The following DLG2 variants were observed in gnomAD, a reference collection of about 807,000 sequenced individuals.
DLG2 encodes the protein disks large homolog 2.
DLG2 carries 45 observed loss-of-function variants against 132.5 expected under a neutral mutation model. That is an observed-to-expected ratio of 0.34 (90% CI 0.27 to 0.44). The LOEUF is 0.44. Among genes scored for constraint, DLG2 ranks in the 20% least tolerant of loss-of-function variants. The pLI is 1.00. For synonymous variants in DLG2, 424 were observed against 419.6 expected (o/e 1.01, Z -0.13); for missense variants, 1,045 against 1,196.9 (o/e 0.87, Z 1.87).
At position 85,529,525 on chromosome 11, in the gene DLG2, T is replaced by C. The variant is rs183017658; in HGVS notation, c.40+69132A>G. Reference sequence around the variant, plus strand: ...CATCTGATAGAAAAATGTTCCCTTTTATTTTCCTAAAATAATTTTCATCAT... The same window carrying C: ...CATCTGATAGAAAAATGTTCCCTTTCATTTTCCTAAAATAATTTTCATCAT... On this transcript the variant is annotated intron_variant, in intron 3 of 27. Transcript: ENST00000376104. 4.7e-4 allele frequency among the ~76,000 whole-genome samples: 71 copies of C among 152,284 alleles called. No individual in the cohort carries two copies. In the Middle Eastern group the frequency reaches 0.027, roughly 58 times the overall value.
intron 19 of DLG2, among the ~76,000 whole-genome samples, chr11:83,560,668 C>A (rs78510802): frequency 0.022 from 3,358 of 152,234 alleles, 127 homozygotes; most frequent in African/African-American, 0.076. Context: ...TATATATGTC[C>A]AATTTCTGCA....
intron 6 of DLG2, among the ~76,000 whole-genome samples, chr11:84,584,773 C>G (rs1411737749): frequency 7.3e-6 from 1 of 136,096 alleles, no homozygotes; most frequent in Non-Finnish European, 1.5e-5. Flanking sequence ...ACTGCAAGCT[C>G]TGCCTCCCGG....
intron 7 of DLG2, among the ~76,000 whole-genome samples, chr11:84,300,215 TCTTA>T (rs2098136650): frequency 6.6e-6 from 1 of 152,198 alleles, no homozygotes; most frequent in Admixed American, 6.5e-5. Context: ...CTTCAAGCTC[TCTTA>T]CTGTCAATTT....
At chr11:84,474,717 T>C (rs1031582269) in intron 7 of DLG2, among the ~76,000 whole-genome samples, 1 of 152,012 alleles carries the variant, frequency 6.6e-6, no homozygotes, top group African/African-American at 2.4e-5. Flanking sequence ...CCAGTAGTAG[T>C]AGCACTATTA....
chr11:84,675,737 T>C (rs1386146709), intron 6 of DLG2, among the ~76,000 whole-genome samples: 1 of 152,128 alleles, frequency 6.6e-6, no homozygotes, highest in Non-Finnish European at 1.5e-5. Flanking sequence ...TATGCAATCC[T>C]AGCCCATTGT....
At chr11:85,209,429 G>A (rs1183157235) in intron 4 of DLG2, among the ~76,000 whole-genome samples, 1 of 131,934 alleles carries the variant, frequency 7.6e-6, no homozygotes, top group African/African-American at 2.8e-5. Flanking sequence ...GAACTTATGG[G>A]CACAAAGAAA....
chr11:84,550,788 T>C, intron 6 of DLG2, among the ~76,000 whole-genome samples: 1 of 152,224 alleles, frequency 6.6e-6, no homozygotes, highest in Non-Finnish European at 1.5e-5. Flanking sequence ...TGTTATATGC[T>C]AATCACTAAA....
chr11:85,042,564 G>A (rs2061969500), intron 6 of DLG2, among the ~76,000 whole-genome samples: 2 of 151,922 alleles, frequency 1.3e-5, no homozygotes, highest in Admixed American at 6.6e-5. Context: ...TAACAGAGTG[G>A]AAGTTGACAA....
At chr11:84,443,027 C>G (rs1181900562) in intron 7 of DLG2, among the ~76,000 whole-genome samples, 1 of 152,136 alleles carries the variant, frequency 6.6e-6, no homozygotes, top group East Asian at 1.9e-4. Flanking sequence ...CGAAGAAATA[C>G]CCAGTTATAG....
chr11:83,509,442 C>G (rs994118876), intron 21 of DLG2, among the ~76,000 whole-genome samples: 1 of 152,144 alleles, frequency 6.6e-6, no homozygotes, highest in Non-Finnish European at 1.5e-5. Context: ...ATTTTCCTTC[C>G]TCTATCACAA....
chr11:83,582,731 G>T (rs764120502), intron 19 of DLG2, among the ~76,000 whole-genome samples: 1 of 152,178 alleles, frequency 6.6e-6, no homozygotes, highest in Non-Finnish European at 1.5e-5. Flanking sequence ...TTCAAGGGAA[G>T]ATTAGATAAG....
At position 85,195,764 on chromosome 11, in the gene DLG2, G is replaced by C. The variant is rs547969569; in HGVS notation, c.187-41113C>G. ...GATGGTCTCGATCTTCTGACCTCGTGATCCGCCCGCCTCGGCCTCCCAAAG... is the reference window on the plus strand; with the variant it reads ...GATGGTCTCGATCTTCTGACCTCGTCATCCGCCCGCCTCGGCCTCCCAAAG... On this transcript the variant is annotated intron_variant, in intron 4 of 27. Coordinates refer to ENST00000376104, the MANE Select transcript of DLG2 (RefSeq NM_001142699.3). Among the ~76,000 whole-genome samples the C allele has an allele frequency of 4.0e-3, 601 of 152,040 alleles. 7 individuals are homozygous for C. Among genetic ancestry groups the C allele is most frequent in the African/African-American group, 0.013 (519 of 41,486 alleles).
intron 17 of DLG2, among the ~76,000 whole-genome samples, chr11:83,812,355 C>T (rs1286591297): frequency 6.6e-6 from 1 of 151,736 alleles, no homozygotes; most frequent in Admixed American, 6.6e-5. Flanking sequence ...TATATTTGTC[C>T]ATCTGATATG....
intron 8 of DLG2, among the ~76,000 whole-genome samples, chr11:84,183,849 G>C (rs2096209402): frequency 6.6e-6 from 1 of 152,154 alleles, no homozygotes; most frequent in South Asian, 2.1e-4. Context: ...CCTTGTGATA[G>C]TTTGCTGAGA....
chr11:85,020,694 T>C lies in DLG2; in HGVS notation c.357+90967A>G, dbSNP rs1196119032. The C allele has an allele frequency of 2.0e-5, 10 of 495,496 alleles. No homozygotes were observed. The East Asian group carries it at 3.8e-4, about 19-fold the overall frequency. The allele number at this position is 495,496 out of a possible 1,614,324, so 30.7% of individuals were successfully genotyped here. ...GGGAAAGGATTCCCTATTTAATAAATGGTGCTGGGAAAACTGGCTAGCCAT... is the reference window on the plus strand; with the variant it reads ...GGGAAAGGATTCCCTATTTAATAAACGGTGCTGGGAAAACTGGCTAGCCAT... On this transcript the variant is annotated intron_variant, in intron 6 of 27. Transcript: ENST00000376104.
chr11:85,608,318 T>G (rs944811367), intron 2 of DLG2, among the ~76,000 whole-genome samples: 7 of 152,234 alleles, frequency 4.6e-5, no homozygotes, highest in African/African-American at 1.7e-4. Context: ...TGGCTCATTT[T>G]TTTCTGCACT....
At chr11:84,960,229 G>T (rs991852350) in intron 6 of DLG2, among the ~76,000 whole-genome samples, 1 of 151,964 alleles carries the variant, frequency 6.6e-6, no homozygotes, top group African/African-American at 2.4e-5. Flanking sequence ...GCCCATAAAG[G>T]TGAAAAGTCT....
intron 7 of DLG2, among the ~76,000 whole-genome samples, chr11:84,431,506 T>C (rs2098984591): frequency 6.6e-6 from 1 of 152,182 alleles, no homozygotes; most frequent in Non-Finnish European, 1.5e-5. Flanking sequence ...TGGTTCCAGT[T>C]TGATTATATC....
intron 3 of DLG2, among the ~76,000 whole-genome samples, chr11:85,596,294 A>G (rs567007): frequency 0.13 from 19,993 of 152,074 alleles, 1,813 homozygotes; most frequent in Non-Finnish European, 0.2. Flanking sequence ...GAGGCTGAGG[A>G]AGGAGAACTG....
Sources: allele counts gnomAD v4.1 joint callset (sites outside exome capture counted in the v4.1 genomes callset), GRCh38; gene constraint gnomAD v4.1.1; transcripts MANE v1.5; gene names NCBI Gene and HGNC (gene_info 2026-07-23, HGNC 2026-07-21).